ASIC2: variants seen among roughly 807,000 people sequenced by gnomAD.
The protein encoded by ASIC2 is acid-sensing ion channel 2.
In ASIC2, 25 loss-of-function variants were observed where a neutral mutation model predicts 57.3. The observed-to-expected ratio is 0.44, with a 90% confidence interval of 0.32 to 0.61. ASIC2 has a LOEUF of 0.61. Among genes scored for constraint, ASIC2 ranks in the 20% least tolerant of loss-of-function variants. The pLI, the probability that ASIC2 is intolerant of heterozygous loss-of-function variation, is 0.06. For synonymous variants in ASIC2, 319 were observed against 307.5 expected, an observed-to-expected ratio of 1.04 and a Z score of -0.39; for missense variants, 641 against 738.1, an observed-to-expected ratio of 0.87 and a Z score of 1.52.
chr17:33,191,076 G>T (rs1450688988), intron 1 of ASIC2, among the ~76,000 whole-genome samples: 1 of 152,086 alleles, frequency 6.6e-6, no homozygotes, highest in African/African-American at 2.4e-5. Flanking sequence ...AACAACCCAT[G>T]TTTCCATCAA....
At chr17:33,585,619 G>A (rs188828410) in intron 1 of ASIC2, among the ~76,000 whole-genome samples, 20 of 152,252 alleles carry the variant, frequency 1.3e-4, no homozygotes, top group African/African-American at 4.6e-4. Flanking sequence ...GAAAGCCCCA[G>A]GAGTTGGTTG....
At chr17:33,972,533 G>A (rs1378501620) in intron 1 of ASIC2, among the ~76,000 whole-genome samples, 2 of 152,206 alleles carry the variant, frequency 1.3e-5, no homozygotes, top group East Asian at 3.9e-4. Context: ...ATGCTTTAAG[G>A]AGCATCAAGA....
intron 1 of ASIC2, among the ~76,000 whole-genome samples, chr17:33,258,022 C>T (rs1422596213): frequency 2.6e-5 from 4 of 152,180 alleles, no homozygotes; most frequent in Non-Finnish European, 2.9e-5. Context: ...GTTGTAAGTG[C>T]TTGATAAACA....
chr17:33,722,708 A>G (rs1302845383), intron 1 of ASIC2, among the ~76,000 whole-genome samples: 2 of 152,180 alleles, frequency 1.3e-5, no homozygotes, highest in African/African-American at 4.8e-5. Flanking sequence ...GGCTGCAGTG[A>G]GCTATGATTG....
intron 7 of ASIC2, among the ~76,000 whole-genome samples, chr17:33,019,868 C>A (rs188519058): frequency 2.0e-5 from 3 of 151,728 alleles, no homozygotes; most frequent in East Asian, 1.9e-4. Context: ...AAGAAAGAGA[C>A]GCACATAGAG....
At chr17:33,224,351 A>G (rs1907798667) in intron 1 of ASIC2, among the ~76,000 whole-genome samples, 1 of 152,222 alleles carries the variant, frequency 6.6e-6, no homozygotes, top group Non-Finnish European at 1.5e-5. Context: ...TCTGAAAACT[A>G]TGGTCTGGGC....
At chr17:33,581,977 C>T (rs951353215) in intron 1 of ASIC2, among the ~76,000 whole-genome samples, 3 of 152,196 alleles carry the variant, frequency 2.0e-5, no homozygotes, top group African/African-American at 7.2e-5. Flanking sequence ...GAATTGGCCT[C>T]AGATTCCGTG....
At chr17:34,099,614 GAAAGA>G (rs1910746506) in intron 1 of ASIC2, among the ~76,000 whole-genome samples, 1 of 123,854 alleles carries the variant, frequency 8.1e-6, no homozygotes, top group African/African-American at 3.6e-5. Flanking sequence ...AGAGAAAGAG[GAAAGA>G]AAGAAAAAGA....
At chr17:33,592,470 G>A (rs1433429481) in intron 1 of ASIC2, among the ~76,000 whole-genome samples, 4 of 152,238 alleles carry the variant, frequency 2.6e-5, no homozygotes, top group African/African-American at 9.7e-5. Flanking sequence ...GAGGGGGTCA[G>A]CATTGTCTAT....
At chr17:33,612,829 G>C (rs1905454168) in intron 1 of ASIC2, among the ~76,000 whole-genome samples, 1 of 152,144 alleles carries the variant, frequency 6.6e-6, no homozygotes, top group Non-Finnish European at 1.5e-5. Flanking sequence ...TAGAATTTGG[G>C]ATTTATTTGT....
intron 1 of ASIC2, among the ~76,000 whole-genome samples, chr17:34,084,835 TG>T (rs1910039335): frequency 6.6e-6 from 1 of 152,212 alleles, no homozygotes. Context: ...ATGATTTGGC[TG>T]TTTGTCTGTT....
rs3025256 is a variant in ASIC2, at chr17:33,013,380, G to A, written c.*585C>T. 1.3e-5 allele frequency: 2 copies of A among 152,894 alleles called. No individual in the cohort carries two copies. The highest frequency in any genetic ancestry group is 1.2e-4 in the Admixed American group (2 of 16,068). The allele number at this position is 152,894 out of a possible 1,614,324, so 9.5% of individuals were successfully genotyped here. ...CTGCTGTGCCGCCGTCATAGGCACTGGGGGGGAGGGAGGTTGGCGCGGGTC... is the reference window on the plus strand; with the variant it reads ...CTGCTGTGCCGCCGTCATAGGCACTAGGGGGGAGGGAGGTTGGCGCGGGTC... On this transcript the variant is annotated 3_prime_UTR_variant, in exon 10 of 10. Transcript: ENST00000225823.
At chr17:33,308,932 T>C (rs985979027) in intron 1 of ASIC2, among the ~76,000 whole-genome samples, 4 of 152,168 alleles carry the variant, frequency 2.6e-5, no homozygotes, top group Non-Finnish European at 4.4e-5. Flanking sequence ...GGCTACCATA[T>C]GGGGGTTTGG....
intron 1 of ASIC2, among the ~76,000 whole-genome samples, chr17:33,131,233 T>C (rs887774194): frequency 3.3e-5 from 5 of 152,130 alleles, no homozygotes; most frequent in African/African-American, 1.2e-4. Flanking sequence ...GGCTAAGGGA[T>C]GAGTGTCTGC....
chr17:33,632,335 G>A (rs1440688304), intron 1 of ASIC2, among the ~76,000 whole-genome samples: 1 of 152,146 alleles, frequency 6.6e-6, no homozygotes, highest in African/African-American at 2.4e-5. Flanking sequence ...TAACGCTTAA[G>A]ATTGTTGTTA....
In ASIC2 at chr17:33,125,023, G is replaced by A. The variant is rs150705930; in HGVS notation, c.709-12956C>T. On this transcript the variant is annotated intron_variant, in intron 1 of 9. Transcript: ENST00000225823. ...ATCTGAGAGGAGGCTGAGTCAGGCA[G>A]TAATGCAAGCAATGGGGAGTGGCTG... Among the ~76,000 whole-genome samples, 1,174 of 152,318 alleles carry A rather than the reference G, an allele frequency of 7.7e-3. 8 individuals carry two copies. The highest frequency in any genetic ancestry group is 0.029 in the South Asian group (140 of 4,830).
At chr17:34,021,734 C>G (rs754308428) in intron 1 of ASIC2, among the ~76,000 whole-genome samples, 1 of 152,016 alleles carries the variant, frequency 6.6e-6, no homozygotes, top group Non-Finnish European at 1.5e-5. Context: ...ATAGGGACAT[C>G]TTAAAAATAC....
intron 1 of ASIC2, among the ~76,000 whole-genome samples, chr17:33,579,725 G>C (rs762926405): frequency 3.3e-5 from 5 of 152,190 alleles, no homozygotes; most frequent in Non-Finnish European, 5.9e-5. Context: ...ACTGTTAAAA[G>C]TAGTGCGGAC....
chr17:33,759,369 G>A (rs1260828738), intron 1 of ASIC2, among the ~76,000 whole-genome samples: 1 of 152,142 alleles, frequency 6.6e-6, no homozygotes, highest in Non-Finnish European at 1.5e-5. Flanking sequence ...AACTTCTTAT[G>A]GTGAACTGCT....
Sources: allele counts gnomAD v4.1 joint callset (sites outside exome capture counted in the v4.1 genomes callset), GRCh38; gene constraint gnomAD v4.1.1; transcripts MANE v1.5; gene names NCBI Gene and HGNC (gene_info 2026-07-23, HGNC 2026-07-21).